MTREX: variants seen among roughly 807,000 people sequenced by gnomAD.
MTREX encodes the protein exosome RNA helicase MTR4.
Under a neutral mutation model 135.4 loss-of-function variants are expected in MTREX, and 76 were observed. The observed-to-expected ratio is 0.56, with a 90% CI of 0.47 to 0.68. MTREX has a LOEUF of 0.68. MTREX is among the 30% of genes least tolerant of loss of function. The pLI is 0.00. For missense variants in MTREX, 920 were observed against 1,262.1 expected (o/e 0.73, Z 4.11); for synonymous variants, 404 against 401.6 (o/e 1.01, Z -0.07).
intron 5 of MTREX, among the ~76,000 whole-genome samples, chr5:55,332,749 A>G (rs533143241): frequency 6.6e-6 from 1 of 152,310 alleles, no homozygotes; most frequent in South Asian, 2.1e-4. Flanking sequence ...ATCACCTCTT[A>G]AAGGCCCTAC....
Position 55,390,538 on chromosome 5 carries a change from CAG to C in MTREX, c.2181+2439_2181+2440del, listed in dbSNP as rs567425451. On this transcript the variant is annotated intron_variant, in intron 19 of 26. Transcript: ENST00000230640. The stretch of plus-strand genomic sequence containing the variant: ...TCCAGCTCTGAATTACATTGATTAA[CAG>C]AGGTGAACAGTTTAGTGTGTTCTAA... 2.4e-3 allele frequency among the ~76,000 whole-genome samples: 358 copies of C among 152,300 alleles called. 3 individuals are homozygous for C. The highest frequency in any genetic ancestry group is 8.0e-3 in the African/African-American group (334 of 41,560).
At chr5:55,344,216 A>G (rs927445182) in intron 8 of MTREX, among the ~76,000 whole-genome samples, 5 of 152,164 alleles carry the variant, frequency 3.3e-5, no homozygotes, top group Non-Finnish European at 7.4e-5. Flanking sequence ...TACCTCCTCT[A>G]TAGAAAAATA....
intron 26 of MTREX, chr5:55,423,191 C>A: frequency 3.7e-6 from 2 of 543,056 alleles, no homozygotes; most frequent in Non-Finnish European, 3.2e-6. Flanking sequence ...ATTAATTGTA[C>A]GCTAACTACA....
At chr5:55,378,535 C>T in intron 17 of MTREX, 49 bp downstream of exon 17, 1 of 1,523,544 alleles carries the variant, frequency 6.6e-7, no homozygotes. Context: ...AATATTTAAA[C>T]ATATTTTTGT....
intron 23 of MTREX, among the ~76,000 whole-genome samples, chr5:55,412,027 T>C (rs116155312): frequency 1.1e-3 from 172 of 152,278 alleles, no homozygotes; most frequent in Non-Finnish European, 2.1e-3. Flanking sequence ...AAGGAGTTGG[T>C]TAAGCTAAAC....
At position 55,388,070 on chromosome 5, in the gene MTREX, C is replaced by A. The variant is rs772750419; in HGVS notation, c.2149C>A (p.Pro717Thr). 1 of 1,607,994 alleles carries A rather than the reference C, an allele frequency of 6.2e-7. No individual in the cohort carries two copies. Among genetic ancestry groups the A allele is most frequent in the South Asian group, 1.1e-5 (1 of 90,364 alleles). ...LKNSATEAAKPAKPDEKGEMQ... is the reference protein window; with the variant it reads ...LKNSATEAAKTAKPDEKGEMQ... ...AAATTCAGCTACAGAAGCTGCAAAACCAGCTAAACCTGATGAGAAAGGAGA... is the reference window on the plus strand; with the variant it reads ...AAATTCAGCTACAGAAGCTGCAAAAACAGCTAAACCTGATGAGAAAGGAGA... The change falls in exon 19 of 27, where the codon CCA becomes ACA. Residue 717 changes from proline to threonine, a missense_variant. Physicochemically the swap from Pro to Thr is conservative, Grantham distance 38. Transcript: ENST00000230640.
At chr5:55,406,647 T>C (rs568753081) in intron 22 of MTREX, among the ~76,000 whole-genome samples, 4 of 152,346 alleles carry the variant, frequency 2.6e-5, no homozygotes, top group African/African-American at 9.6e-5. Context: ...TTGTTCAGTA[T>C]GGCTTTCTGT....
Position 55,425,389 on chromosome 5 carries a change from A to G in MTREX, c.*617A>G. On this transcript the variant is annotated 3_prime_UTR_variant, in exon 27 of 27. Coordinates refer to ENST00000230640, the MANE Select transcript of MTREX (RefSeq NM_015360.5). The stretch of plus-strand genomic sequence containing the variant: ...TTAGATCAAGTTAAAAACTACATAC[A>G]AAGTTGTGATCAACAGCATCCTAAG... 1 of 1,473,698 alleles carries G rather than the reference A, an allele frequency of 6.8e-7. No homozygotes were observed. Among genetic ancestry groups the G allele is most frequent in the African/African-American group, 1.4e-5 (1 of 70,906 alleles). 91.3% of individuals were successfully genotyped at this position (1,473,698 alleles called of 1,614,324 possible).
intron 1 of MTREX, among the ~76,000 whole-genome samples, chr5:55,312,953 T>C (rs941057046): frequency 6.6e-6 from 1 of 152,214 alleles, no homozygotes; most frequent in Non-Finnish European, 1.5e-5. Context: ...GAAATGTTAT[T>C]TTGTGCTTAG....
Position 55,388,075 on chromosome 5 carries a change from T to C in MTREX, c.2154T>C (p.Ala718=). The C allele has an allele frequency of 6.2e-7, 1 of 1,608,248 alleles. No individual in the cohort carries two copies. The highest frequency in any genetic ancestry group is 8.5e-7 in the Non-Finnish European group (1 of 1,175,918). ...CAGCTACAGAAGCTGCAAAACCAGC[T>C]AAACCTGATGAGAAAGGAGAGATGC... is the stretch of plus-strand genomic sequence containing the variant. ...KNSATEAAKP[A]KPDEKGEMQV... is the part of the protein sequence containing the mutation. The change falls in exon 19 of 27, where the codon GCT becomes GCC. Residue 718 remains alanine, a synonymous_variant. Transcript: ENST00000230640.
chr5:55,424,450 T>G, intron 26 of MTREX: 1 of 259,990 alleles, frequency 3.8e-6, no homozygotes. Context: ...CGACCTAGCA[T>G]TTATCTTTTT....
At position 55,340,007 on chromosome 5, in the gene MTREX, T is replaced by A. The variant is rs780429676; in HGVS notation, c.516-3T>A. ...GTATGATTATTTGTTTTCACATTTG[T>A]AGGTATGCCATTGCATTGGCCTTAA... is the stretch of plus-strand genomic sequence containing the variant. On this transcript the variant is annotated splice_region_variant and splice_polypyrimidine_tract_variant and intron_variant, in intron 5 of 26. Transcript: ENST00000230640. 2.3e-5 allele frequency: 34 copies of A among 1,503,030 alleles called. No individual in the cohort carries two copies. The South Asian group carries it at 4.1e-4, about 18-fold the overall frequency. 93.1% of individuals were successfully genotyped at this position (1,503,030 alleles called of 1,614,324 possible).
intron 16 of MTREX, among the ~76,000 whole-genome samples, chr5:55,367,996 A>C (rs575364284): frequency 5.3e-5 from 8 of 152,208 alleles, no homozygotes; most frequent in Non-Finnish European, 1.0e-4. Flanking sequence ...TTCACGAATA[A>C]GTTTGCTTTT....
At chr5:55,399,413 G>A (rs1389303747) in intron 20 of MTREX, among the ~76,000 whole-genome samples, 1 of 152,250 alleles carries the variant, frequency 6.6e-6, no homozygotes, top group East Asian at 1.9e-4. Flanking sequence ...TTTCTTCTCT[G>A]TATGAATATG....
chr5:55,336,627 A>G (rs1749556955), intron 5 of MTREX, among the ~76,000 whole-genome samples: 1 of 152,204 alleles, frequency 6.6e-6, no homozygotes, highest in Admixed American at 6.5e-5. Context: ...GTTTGCCAGT[A>G]CAGTTGTCAC....
At chr5:55,402,838 G>A (rs1579896096) in intron 21 of MTREX, among the ~76,000 whole-genome samples, 1 of 88,310 alleles carries the variant, frequency 1.1e-5, no homozygotes, top group Non-Finnish European at 2.2e-5. Context: ...GTGTGTGTGT[G>A]TGTATGTGTA....
chr5:55,339,103 CT>C (rs1221581979), intron 5 of MTREX, among the ~76,000 whole-genome samples: 1 of 152,058 alleles, frequency 6.6e-6, no homozygotes, highest in Non-Finnish European at 1.5e-5. Flanking sequence ...AATCTGTAGA[CT>C]TTCCATTTGA....
At chr5:55,328,895 G>A in intron 5 of MTREX, 84 bp downstream of exon 5, 1 of 802,942 alleles carries the variant, frequency 1.2e-6, no homozygotes, top group Non-Finnish European at 2.0e-6. Context: ...TTCTGCTAGT[G>A]AAGATGGTTT....
At chr5:55,380,487 ATAT>A (rs1184964883) in intron 18 of MTREX, among the ~76,000 whole-genome samples, 2 of 152,122 alleles carry the variant, frequency 1.3e-5, no homozygotes, top group Non-Finnish European at 2.9e-5. Context: ...TGAAAGATAA[ATAT>A]TATGTCAAAT....
Sources: gnomAD v4.1 joint callset for allele counts (sites outside exome capture counted in the v4.1 genomes callset) on GRCh38, gnomAD v4.1.1 for gene constraint, MANE v1.5 for transcripts, NCBI Gene and HGNC (gene_info 2026-07-23, HGNC 2026-07-21) for gene names.